LRRTM4: variants seen among roughly 807,000 people sequenced by gnomAD.
LRRTM4 encodes leucine rich repeat transmembrane neuronal 4, also known as leucine-rich repeat transmembrane neuronal protein 4.
A neutral mutation model predicts 47.6 loss-of-function variants in LRRTM4; 25 were observed. The observed-to-expected ratio is 0.53, with a 90% CI of 0.38 to 0.73. The LOEUF (loss-of-function observed/expected upper bound fraction) is 0.73. Ranked by LOEUF, LRRTM4 falls within the 30% of genes least tolerant of loss-of-function variation. The probability of loss-of-function intolerance (pLI) is 0.00; values close to 1 mark genes in which losing one functional copy is unlikely to be tolerated. For synonymous variants in LRRTM4, 311 were observed against 269.5 expected (o/e 1.15, Z -1.51); for missense variants, 638 against 713.4 (o/e 0.89, Z 1.20).
chr2:77,426,348 G>A (rs1015899180), intron 3 of LRRTM4, among the ~76,000 whole-genome samples: 1 of 152,074 alleles, frequency 6.6e-6, no homozygotes, highest in Non-Finnish European at 1.5e-5. Flanking sequence ...CAGCTTCCCT[G>A]CAGTCCATTC....
intron 3 of LRRTM4, among the ~76,000 whole-genome samples, chr2:77,226,538 C>CAT (rs60188707): frequency 0.013 from 1,843 of 143,988 alleles, 18 homozygotes; most frequent in East Asian, 0.023. Flanking sequence ...AAATTATATA[C>CAT]ATATATATAT....
intron 3 of LRRTM4, among the ~76,000 whole-genome samples, chr2:77,170,762 A>T (rs893689504): frequency 1.4e-5 from 2 of 142,688 alleles, no homozygotes; most frequent in African/African-American, 2.6e-5. Flanking sequence ...TATATTTATA[A>T]ATGATCATAG....
intron 3 of LRRTM4, among the ~76,000 whole-genome samples, chr2:77,137,539 A>G (rs546560047): frequency 6.6e-6 from 1 of 152,172 alleles, no homozygotes; most frequent in South Asian, 2.1e-4. Flanking sequence ...TGTAAAGACC[A>G]TCAAGGCTAG....
At chr2:77,517,094 A>T in intron 3 of LRRTM4, 2 of 985,152 alleles carry the variant, frequency 2.0e-6, no homozygotes, top group Non-Finnish European at 2.4e-6. Context: ...AGGCCTTAGT[A>T]GTCAGTCTTT....
intron 3 of LRRTM4, among the ~76,000 whole-genome samples, chr2:76,931,835 A>C (rs1343476828): frequency 1.3e-5 from 2 of 152,162 alleles, no homozygotes; most frequent in Non-Finnish European, 2.9e-5. Context: ...AAAGCATTCA[A>C]GAAGGGAGTC....
At chr2:76,964,726 A>C (rs1675967442) in intron 3 of LRRTM4, among the ~76,000 whole-genome samples, 1 of 150,782 alleles carries the variant, frequency 6.6e-6, no homozygotes, top group Non-Finnish European at 1.5e-5. Flanking sequence ...GAAGAACAGA[A>C]ACAATTAAAA....
chr2:76,748,715 G>T lies in LRRTM4; in HGVS notation c.1753C>A (p.Leu585Ile). ...CAGCGTTAGTTTGCAATTCTCTCTA[G>T]GTAGATGGCCGGTGCTGCCGACCTG... ...IARSAAPAIY[L>I]ERIAN The change falls in exon 4 of 4, where the codon CTA (leucine) becomes ATA (isoleucine). Residue 585 changes from leucine to isoleucine, a missense_variant. Physicochemically the swap from Leu to Ile is conservative, Grantham distance 5 (BLOSUM62 2). Coordinates refer to ENST00000409884, the MANE Select transcript of LRRTM4 (RefSeq NM_001134745.3). 6.2e-7 allele frequency: 1 copy of T among 1,613,376 alleles called. No individual in the cohort carries two copies. Among genetic ancestry groups the T allele is most frequent in the South Asian group, 1.1e-5 (1 of 91,062 alleles).
intron 3 of LRRTM4, among the ~76,000 whole-genome samples, chr2:76,807,447 TATATATATATACATATATATATAC>T (rs1336491347): frequency 5.5e-5 from 5 of 90,776 alleles, no homozygotes; most frequent in Admixed American, 2.5e-4. Context: ...CGTATATACA[TATATATATATACATATATATATAC>T]ATATATATAT....
intron 3 of LRRTM4, among the ~76,000 whole-genome samples, chr2:77,017,927 GAGATA>G (rs1406865064): frequency 6.6e-6 from 1 of 151,802 alleles, no homozygotes; most frequent in African/African-American, 2.4e-5. Context: ...TAGCTCAAAC[GAGATA>G]AGATGTGAAC....
chr2:76,807,385 TA>T (rs1670518554), intron 3 of LRRTM4, among the ~76,000 whole-genome samples: 1 of 75,840 alleles, frequency 1.3e-5, no homozygotes, highest in South Asian at 4.9e-4. Flanking sequence ...ATTCATTTTA[TA>T]TATATATATA....
intron 3 of LRRTM4, among the ~76,000 whole-genome samples, chr2:77,044,582 G>A (rs1679169361): frequency 6.6e-6 from 1 of 151,384 alleles, no homozygotes; most frequent in Non-Finnish European, 1.5e-5. Flanking sequence ...ATGCAAAAGG[G>A]AGGATTTAGT....
chr2:77,062,289 C>T (rs1679811776), intron 3 of LRRTM4, among the ~76,000 whole-genome samples: 1 of 152,096 alleles, frequency 6.6e-6, no homozygotes, highest in South Asian at 2.1e-4. Context: ...ATTTTAGCTT[C>T]TAAACTAAAT....
chr2:77,022,921 C>T (rs987998488), intron 3 of LRRTM4, among the ~76,000 whole-genome samples: 1 of 152,174 alleles, frequency 6.6e-6, no homozygotes, highest in Non-Finnish European at 1.5e-5. Flanking sequence ...CTAGGCAGTC[C>T]CCAGTAGGGA....
intron 3 of LRRTM4, among the ~76,000 whole-genome samples, chr2:76,984,473 C>G (rs748613972): frequency 6.6e-6 from 1 of 151,818 alleles, no homozygotes; most frequent in African/African-American, 2.4e-5. Flanking sequence ...CTTAGCTTAC[C>G]GATATGTATG....
chr2:77,453,137 A>G (rs1472292106), intron 3 of LRRTM4, among the ~76,000 whole-genome samples: 1 of 148,486 alleles, frequency 6.7e-6, no homozygotes, highest in Non-Finnish European at 1.5e-5. Context: ...GTAAATTAAT[A>G]TATTCCACTG....
intron 3 of LRRTM4, among the ~76,000 whole-genome samples, chr2:76,986,561 G>C (rs756201595): frequency 1.3e-4 from 19 of 151,792 alleles, no homozygotes; most frequent in Non-Finnish European, 2.2e-4. Flanking sequence ...GAACATTTTG[G>C]GGGCATGGTA....
intron 3 of LRRTM4, among the ~76,000 whole-genome samples, chr2:77,428,904 C>T (rs1675236238): frequency 6.6e-6 from 1 of 152,188 alleles, no homozygotes; most frequent in Non-Finnish European, 1.5e-5. Context: ...TAGTGTGCTG[C>T]TTAACAAATA....
chr2:77,288,831 T>G (rs1676736162), intron 3 of LRRTM4, among the ~76,000 whole-genome samples: 1 of 152,068 alleles, frequency 6.6e-6, no homozygotes, highest in Non-Finnish European at 1.5e-5. Context: ...TTTTGCCATG[T>G]TTCTCCACAG....
At chr2:77,511,069 A>G (rs974520703) in intron 3 of LRRTM4, among the ~76,000 whole-genome samples, 3 of 152,078 alleles carry the variant, frequency 2.0e-5, no homozygotes, top group Admixed American at 1.3e-4. Flanking sequence ...AAACTAGGTA[A>G]AGAAGACAAC....
Sources: gnomAD v4.1 joint callset for allele counts (sites outside exome capture counted in the v4.1 genomes callset) on GRCh38, gnomAD v4.1.1 for gene constraint, MANE v1.5 for transcripts, NCBI Gene and HGNC (gene_info 2026-07-23, HGNC 2026-07-21) for gene names.